ERC2: variants seen among roughly 807,000 people sequenced by gnomAD.
ERC2 encodes ELKS/RAB6-interacting/CAST family member 2, also known as ERC protein 2.
A neutral mutation model predicts 114.8 loss-of-function variants in ERC2; 42 were observed. That is an observed-to-expected ratio of 0.37 (90% CI 0.29 to 0.47). The LOEUF is 0.47. Ranked by LOEUF, ERC2 falls within the 20% of genes least tolerant of loss-of-function variation. The pLI is 0.99. For missense variants in ERC2, 939 were observed against 1,150.7 expected, an observed-to-expected ratio of 0.82 and a Z score of 2.66; for synonymous variants, 454 against 425.5, an observed-to-expected ratio of 1.07 and a Z score of -0.82.
At chr3:55,672,114 G>C (rs963331467) in intron 17 of ERC2, among the ~76,000 whole-genome samples, 2 of 152,096 alleles carry the variant, frequency 1.3e-5, no homozygotes, top group Non-Finnish European at 2.9e-5. Flanking sequence ...AGCTGAGGTG[G>C]ATCACCTGAG....
intron 3 of ERC2, among the ~76,000 whole-genome samples, chr3:56,231,645 T>C (rs999139122): frequency 6.6e-6 from 1 of 152,224 alleles, no homozygotes; most frequent in Non-Finnish European, 1.5e-5. Context: ...GTTAGAGTTA[T>C]GATACATTTA....
chr3:55,664,606 A>G (rs2061281858), intron 17 of ERC2, among the ~76,000 whole-genome samples: 1 of 152,132 alleles, frequency 6.6e-6, no homozygotes, highest in Non-Finnish European at 1.5e-5. Context: ...AGGTAGAAGT[A>G]ATGGTTTTAC....
At chr3:55,794,618 G>A (rs1228234925) in intron 14 of ERC2, among the ~76,000 whole-genome samples, 1 of 152,182 alleles carries the variant, frequency 6.6e-6, no homozygotes, top group African/African-American at 2.4e-5. Flanking sequence ...TTTCATACCT[G>A]TGTGAAAGCA....
intron 12 of ERC2, among the ~76,000 whole-genome samples, chr3:55,951,911 C>A (rs1159295174): frequency 2.0e-5 from 3 of 151,826 alleles, no homozygotes; most frequent in African/African-American, 4.8e-5. Context: ...AAATTATGTA[C>A]CCCCCTACTC....
At chr3:56,446,400 G>A (rs575231148) in intron 1 of ERC2, among the ~76,000 whole-genome samples, 28 of 152,248 alleles carry the variant, frequency 1.8e-4, no homozygotes, top group African/African-American at 5.8e-4. Flanking sequence ...CATGCTGTAT[G>A]GAGCCTGTAC....
At chr3:55,998,565 G>T (rs2071782856) in intron 10 of ERC2, among the ~76,000 whole-genome samples, 1 of 152,140 alleles carries the variant, frequency 6.6e-6, no homozygotes, top group Non-Finnish European at 1.5e-5. Flanking sequence ...TTAAATAGTT[G>T]TAACTTTCCA....
At chr3:56,050,844 C>T (rs536875476) in intron 7 of ERC2, among the ~76,000 whole-genome samples, 6 of 152,138 alleles carry the variant, frequency 3.9e-5, no homozygotes, top group Non-Finnish European at 8.8e-5. Context: ...CAATACCTAG[C>T]ACATACATAG....
intron 17 of ERC2, among the ~76,000 whole-genome samples, chr3:55,607,613 T>TG (rs371035263): frequency 6.2e-3 from 264 of 42,750 alleles, no homozygotes; most frequent in African/African-American, 0.013. Flanking sequence ...GAAAATAGTG[T>TG]GTTTTTTTTT....
intron 3 of ERC2, among the ~76,000 whole-genome samples, chr3:56,194,321 T>TAA (rs1178620472): frequency 2.0e-5 from 3 of 152,134 alleles, no homozygotes; most frequent in African/African-American, 7.2e-5. Flanking sequence ...CAGATATAAT[T>TAA]AAATTAAGGA....
chr3:56,412,894 G>A (rs1559467202), intron 2 of ERC2, among the ~76,000 whole-genome samples: 1 of 152,120 alleles, frequency 6.6e-6, no homozygotes, highest in East Asian at 1.9e-4. Flanking sequence ...GCAGTGCCTA[G>A]AAAAAAATGG....
At chr3:56,440,927 C>T (rs111412227) in intron 1 of ERC2, among the ~76,000 whole-genome samples, 2,756 of 152,278 alleles carry the variant, frequency 0.018, 37 homozygotes, top group Middle Eastern at 0.041. Context: ...AAGTCCTCTC[C>T]TTCCTATACA....
intron 2 of ERC2, among the ~76,000 whole-genome samples, chr3:56,370,377 G>T (rs1039196910): frequency 3.9e-5 from 6 of 152,156 alleles, no homozygotes; most frequent in Non-Finnish European, 7.3e-5. Flanking sequence ...GGTCGTGGTG[G>T]CATGTGTGTC....
rs2054388903 is a variant in ERC2 at position 55,541,449 on chromosome 3, G to A, written c.*40-30173C>T. On this transcript the variant is annotated intron_variant, in intron 17 of 17. Coordinates refer to ENST00000288221, the MANE Select transcript of ERC2 (RefSeq NM_015576.3). ...TTAGACCCCGTAGCCTACATGACAAGAGCCCTGGTGGTAGGGTTGACTTTC... is the reference window on the plus strand; with the variant it reads ...TTAGACCCCGTAGCCTACATGACAAAAGCCCTGGTGGTAGGGTTGACTTTC... 3.3e-5 allele frequency among the ~76,000 whole-genome samples: 5 copies of A among 152,310 alleles called. No individual in the cohort carries two copies. The South Asian group carries it at 8.3e-4, about 25-fold the overall frequency.
intron 3 of ERC2, among the ~76,000 whole-genome samples, chr3:56,174,846 C>T (rs1326721153): frequency 1.3e-5 from 2 of 151,946 alleles, no homozygotes; most frequent in East Asian, 1.9e-4. Context: ...GGCATAGTGG[C>T]GTGTGCCTGT....
At chr3:55,913,956 G>A (rs1010303743) in intron 13 of ERC2, among the ~76,000 whole-genome samples, 19 of 152,138 alleles carry the variant, frequency 1.2e-4, no homozygotes, top group Middle Eastern at 3.4e-3. Context: ...AGATTGAAGC[G>A]GGACTTTCCA....
intron 14 of ERC2, among the ~76,000 whole-genome samples, chr3:55,813,560 T>G (rs766045000): frequency 3.3e-5 from 5 of 152,200 alleles, no homozygotes; most frequent in African/African-American, 4.8e-5. Context: ...AGGAAGGTCC[T>G]TTGAAAATCT....
chr3:55,768,911 C>G (rs2068009406), intron 14 of ERC2, among the ~76,000 whole-genome samples: 1 of 152,270 alleles, frequency 6.6e-6, no homozygotes, highest in African/African-American at 2.4e-5. Flanking sequence ...AACTCATACC[C>G]TAAGATTATC....
intron 7 of ERC2, among the ~76,000 whole-genome samples, chr3:56,042,471 G>T (rs1457671684): frequency 6.6e-6 from 1 of 152,050 alleles, no homozygotes; most frequent in Non-Finnish European, 1.5e-5. Flanking sequence ...TTAAAACACT[G>T]GATAAGGCTT....
intron 11 of ERC2, among the ~76,000 whole-genome samples, chr3:55,991,028 G>A (rs1420415649): frequency 6.6e-6 from 1 of 152,166 alleles, no homozygotes; most frequent in Non-Finnish European, 1.5e-5. Context: ...CTAGAACTTC[G>A]AGGCTGCAGT....
Sources: gnomAD v4.1 joint callset for allele counts (sites outside exome capture counted in the v4.1 genomes callset) on GRCh38, gnomAD v4.1.1 for gene constraint, MANE v1.5 for transcripts, NCBI Gene and HGNC (gene_info 2026-07-23, HGNC 2026-07-21) for gene names.